The following TBCA variants were observed in gnomAD, a reference collection of about 807,000 sequenced individuals.
The protein encoded by TBCA is tubulin folding cofactor A.
In TBCA, 6 loss-of-function variants were observed where a neutral mutation model predicts 15.8. The ratio of observed to expected loss-of-function variants is 0.38; its 90% CI spans 0.21 to 0.75. The LOEUF is 0.75. Among genes scored for constraint, TBCA ranks in the 30% least tolerant of loss-of-function variants. The pLI is 0.46. For synonymous variants in TBCA, 32 were observed against 42.3 expected (o/e 0.76, Z 0.94); for missense variants, 90 against 131.2 (o/e 0.69, Z 1.53).
intron 1 of TBCA, among the ~76,000 whole-genome samples, chr5:77,740,119 A>G (rs1229177196): frequency 2.0e-5 from 3 of 152,236 alleles, no homozygotes; most frequent in Admixed American, 1.3e-4. Context: ...AAGACTCTAA[A>G]GCAAAAAAGA....
intron 1 of TBCA, among the ~76,000 whole-genome samples, chr5:77,751,159 CTTTTTT>C (rs10573352): frequency 2.0e-4 from 16 of 81,896 alleles, no homozygotes; most frequent in Admixed American, 4.6e-4. Context: ...TTCTTTCTTT[CTTTTTT>C]TTTTTTTTTT....
In TBCA at chr5:77,775,039, T is replaced by C. The variant is rs558200383; in HGVS notation, c.53+1166A>G. ...GACAATTTGCCCCCAAGGAAATTCC[T>C]TGTGGGCCTCAAGACCTTCACTCTA... On this transcript the variant is annotated intron_variant, in intron 1 of 3. Transcript: ENST00000380377. Among the ~76,000 whole-genome samples the C allele has an allele frequency of 4.6e-5, 7 of 151,472 alleles. No individual in the cohort carries two copies. In the South Asian group the frequency reaches 1.0e-3, roughly 23 times the overall value.
rs375615438 is a variant in TBCA, at chr5:77,763,534, G to A, written c.53+12671C>T. 3.9e-5 allele frequency among the ~76,000 whole-genome samples: 6 copies of A among 152,222 alleles called. No homozygotes were observed. In the East Asian group the frequency reaches 7.7e-4, roughly 20 times the overall value. On this transcript the variant is annotated intron_variant, in intron 1 of 3. Coordinates refer to ENST00000380377, the MANE Select transcript of TBCA (RefSeq NM_004607.3). ...CATATATCTTAACGTTCAATGTAAC[G>A]CTATTAGGAGATGGGGTCTTTGGAA...
At chr5:77,749,679 T>C (rs948684584) in intron 1 of TBCA, among the ~76,000 whole-genome samples, 5 of 152,178 alleles carry the variant, frequency 3.3e-5, no homozygotes, top group Non-Finnish European at 5.9e-5. Flanking sequence ...AAAACACACA[T>C]AGTACCCTTT....
At chr5:77,692,520 C>T (rs936010100) in intron 3 of TBCA, 36 of 948,266 alleles carry the variant, frequency 3.8e-5, no homozygotes, top group Middle Eastern at 5.4e-4. Context: ...ACTCCTGACT[C>T]GTGATCCACC....
chr5:77,759,261 C>T (rs571126209), intron 1 of TBCA, among the ~76,000 whole-genome samples: 11 of 152,154 alleles, frequency 7.2e-5, no homozygotes, highest in African/African-American at 1.9e-4. Context: ...AGTTATTATC[C>T]GTAGAAAGGA....
intron 1 of TBCA, among the ~76,000 whole-genome samples, chr5:77,735,886 C>T (rs1746890607): frequency 6.6e-6 from 1 of 152,106 alleles, no homozygotes. Flanking sequence ...CAAAATAAAA[C>T]AAATTTTGCA....
chr5:77,701,778 A>C (rs1459885752), intron 2 of TBCA, among the ~76,000 whole-genome samples: 1 of 145,192 alleles, frequency 6.9e-6, no homozygotes, highest in Non-Finnish European at 1.5e-5. Flanking sequence ...CATTTGCAGC[A>C]ACTTGGACGG....
chr5:77,714,034 A>G (rs1304710308), intron 1 of TBCA, among the ~76,000 whole-genome samples: 5 of 151,384 alleles, frequency 3.3e-5, no homozygotes, highest in Non-Finnish European at 7.4e-5. Context: ...ATCTATGTAC[A>G]TTAAGAATTT....
At position 77,771,999 on chromosome 5, in the gene TBCA, T is replaced by C. The variant is rs367863736; in HGVS notation, c.53+4206A>G. ...TGTGACTTCCGAAGATAAATGAGGC[T>C]ATGGAAAATGAACGTCTAACCAGAA... On this transcript the variant is annotated intron_variant, in intron 1 of 3. Transcript: ENST00000380377. Among the ~76,000 whole-genome samples the C allele has an allele frequency of 5.9e-5, 9 of 151,824 alleles. No homozygotes were observed. In the East Asian group the frequency reaches 1.5e-3, roughly 26 times the overall value.
intron 1 of TBCA, among the ~76,000 whole-genome samples, chr5:77,718,070 T>C (rs1746443690): frequency 6.6e-6 from 1 of 151,768 alleles, no homozygotes; most frequent in Admixed American, 6.6e-5. Context: ...GCAGAGGTTG[T>C]GGTGAGCTGA....
chr5:77,756,346 C>A (rs1403637680), intron 1 of TBCA, among the ~76,000 whole-genome samples: 2 of 149,656 alleles, frequency 1.3e-5, no homozygotes, highest in East Asian at 3.9e-4. Flanking sequence ...CCCTGTAGGG[C>A]TGCTGCACAA....
intron 1 of TBCA, among the ~76,000 whole-genome samples, chr5:77,732,787 A>G (rs1360509303): frequency 6.6e-6 from 1 of 152,152 alleles, no homozygotes; most frequent in African/African-American, 2.4e-5. Flanking sequence ...CTGTGCCTAT[A>G]TAAGATGGCA....
intron 1 of TBCA, among the ~76,000 whole-genome samples, chr5:77,721,218 T>C (rs1746521650): frequency 6.6e-6 from 1 of 152,208 alleles, no homozygotes; most frequent in Non-Finnish European, 1.5e-5. Flanking sequence ...CTCAGGTTAT[T>C]CTTGAAATTA....
chr5:77,751,326 T>TAATTTTTTGTATTTTTTAGTAAAGAC (rs1188008108), intron 1 of TBCA, among the ~76,000 whole-genome samples: 6 of 152,048 alleles, frequency 3.9e-5, no homozygotes, highest in African/African-American at 1.4e-4. Flanking sequence ...CACGCCCAGC[T>TAATTTTTTGTATTTTTTAGTAAAGAC]AATTTTTTGT....
At chr5:77,707,886 G>A (rs1746185496) in intron 2 of TBCA, among the ~76,000 whole-genome samples, 1 of 152,152 alleles carries the variant, frequency 6.6e-6, no homozygotes, top group African/African-American at 2.4e-5. Context: ...AGGTGTGGTG[G>A]CTCATGCCTG....
chr5:77,699,589 C>A (rs560028382), intron 2 of TBCA, among the ~76,000 whole-genome samples: 1 of 151,988 alleles, frequency 6.6e-6, no homozygotes, highest in Non-Finnish European at 1.5e-5. Flanking sequence ...TACCTCAAAA[C>A]GGATTGAAGA....
intron 1 of TBCA, among the ~76,000 whole-genome samples, chr5:77,757,787 CAT>C (rs1268750729): frequency 2.0e-5 from 3 of 152,228 alleles, no homozygotes; most frequent in African/African-American, 7.2e-5. Flanking sequence ...GTGCCCGTGA[CAT>C]AGCCTCAGGA....
At chr5:77,693,691 C>T in intron 2 of TBCA, 4 of 233,588 alleles carry the variant, frequency 1.7e-5, no homozygotes, top group Non-Finnish European at 3.4e-5. Context: ...CCCAGCTACT[C>T]AGGAGGCTGA....
Sources: allele counts gnomAD v4.1 joint callset (sites outside exome capture counted in the v4.1 genomes callset), GRCh38; gene constraint gnomAD v4.1.1; transcripts MANE v1.5; gene names NCBI Gene and HGNC (gene_info 2026-07-23, HGNC 2026-07-21).